Variants in MRPS10 observed in about 807,000 individuals in gnomAD.
MRPS10 encodes the protein mitochondrial ribosomal protein S10, also known as small ribosomal subunit protein uS10m.
In MRPS10, 23 loss-of-function variants were observed where a neutral mutation model predicts 27.5. The ratio of observed to expected loss-of-function variants is 0.84; its 90% CI spans 0.60 to 1.18. The LOEUF (loss-of-function observed/expected upper bound fraction) is 1.18. MRPS10 is among the 50% of genes most tolerant of loss of function. The pLI is 0.00. For synonymous variants in MRPS10, 88 were observed against 84.2 expected (o/e 1.04, Z -0.25); for missense variants, 237 against 240.1 (o/e 0.99, Z 0.09).
At chr6:42,213,465 A>AAATG (rs933958017) in intron 3 of MRPS10, among the ~76,000 whole-genome samples, 1 of 152,166 alleles carries the variant, frequency 6.6e-6, no homozygotes, top group Non-Finnish European at 1.5e-5. Context: ...ATAAATAAAT[A>AAATG]AATATCCAAT....
Position 42,211,832 on chromosome 6 carries a change from T to A in MRPS10, c.272A>T (p.Tyr91Phe). ...KGHDKAVLDS[Y>F]EYFAVLAAKE... ...AGCAGCAAGCACAGCAAAATATTCA[T>A]AACTGTCCAATACAGCCTTATCGTG... Residue 91 changes from tyrosine to phenylalanine, a missense_variant, in exon 4 of 7, where the codon TAT becomes TTT. Around this residue, in one of 3 missense-constraint regions of MRPS10, gnomAD observed 164 missense variants for 137.8 expected, o/e 1.19. Coordinates refer to ENST00000053468, the MANE Select transcript of MRPS10 (RefSeq NM_018141.4). 6.2e-7 allele frequency: 1 copy of A among 1,614,112 alleles called. No homozygotes were observed. The highest frequency in any genetic ancestry group is 8.5e-7 in the Non-Finnish European group (1 of 1,180,006).
At position 42,211,778 on chromosome 6, in the gene MRPS10, C is replaced by T. The variant is rs778015792; in HGVS notation, c.323+3G>A. ...AGGTCGGGTCAGGAAAGGCCATACTCACACTTTAATAGAGATACCAAGTTC... is the reference window on the plus strand; with the variant it reads ...AGGTCGGGTCAGGAAAGGCCATACTTACACTTTAATAGAGATACCAAGTTC... On this transcript the variant is annotated splice_donor_region_variant and intron_variant, in intron 4 of 6. Transcript: ENST00000053468. The T allele has an allele frequency of 6.2e-7, 1 of 1,611,224 alleles. No homozygotes were observed. The highest frequency in any genetic ancestry group is 8.5e-7 in the Non-Finnish European group (1 of 1,178,944).
intron 4 of MRPS10, among the ~76,000 whole-genome samples, chr6:42,211,350 T>TA (rs1205071764): frequency 1.3e-5 from 2 of 151,972 alleles, no homozygotes; most frequent in Non-Finnish European, 2.9e-5. Flanking sequence ...ATGACAAACT[T>TA]AAGCTCTACC....
In MRPS10 at chr6:42,208,325, T is replaced by C; in HGVS notation, c.570A>G (p.Glu190=). 6.2e-7 allele frequency: 1 copy of C among 1,613,192 alleles called. No homozygotes were observed. The highest frequency in any genetic ancestry group is 8.5e-7 in the Non-Finnish European group (1 of 1,179,598). ...TTTCTTCTTTTTCTTCTGATAGTGTTTCCCAGATTGGCTCCTTGATGTGTT... is the reference window on the plus strand; with the variant it reads ...TTTCTTCTTTTTCTTCTGATAGTGTCTCCCAGATTGGCTCCTTGATGTGTT... The part of the protein sequence containing the change: ...LPEHIKEPIW[E]TLSEEKEESK... The change falls in exon 7 of 7, where the codon GAA becomes GAG. Residue 190 remains glutamate, a synonymous_variant. Coordinates refer to ENST00000053468, the MANE Select transcript of MRPS10 (RefSeq NM_018141.4).
At chr6:42,216,383 AGAGTGTGTGT>A (rs1185478272) in intron 1 of MRPS10, among the ~76,000 whole-genome samples, 3 of 46,236 alleles carry the variant, frequency 6.5e-5, no homozygotes, top group African/African-American at 1.5e-4. Context: ...AGAGAGAGAG[AGAGTGTGTGT>A]GTGTGTGTGT....
chr6:42,217,655 G>GC, intron 1 of MRPS10, 147 bp downstream of exon 1: 2 of 688,044 alleles, frequency 2.9e-6, no homozygotes, highest in East Asian at 5.5e-5. Context: ...GATAAAACTA[G>GC]CCCCTTTCTC....
In MRPS10 at chr6:42,214,167, A is replaced by C. The variant is rs1468810706; in HGVS notation, c.139T>G (p.Phe47Val). 1.9e-6 allele frequency: 3 copies of C among 1,613,436 alleles called. No homozygotes were observed. Among genetic ancestry groups the C allele is most frequent in the South Asian group, 2.2e-5 (2 of 90,992 alleles). The change falls in exon 3 of 7, where the codon TTT becomes GTT. Residue 47 changes from phenylalanine (F) to valine (V), a missense_variant. Around this residue, in one of 3 missense-constraint regions of MRPS10, gnomAD observed 164 missense variants for 137.8 expected, o/e 1.19. Coordinates refer to ENST00000053468, the MANE Select transcript of MRPS10 (RefSeq NM_018141.4). ...LLSTNMKWVQ[F>V]SNLHVDVPKD... is the part of the protein sequence containing the mutation. ...GGAACATCAACGTGTAGGTTTGAAAACTGTACCCACTTCATATTGGTACTG... is the reference window on the plus strand; with the variant it reads ...GGAACATCAACGTGTAGGTTTGAAACCTGTACCCACTTCATATTGGTACTG...
Position 42,208,936 on chromosome 6 carries a change from T to TAGA in MRPS10, c.441_443dup (p.Leu148dup). The TAGA allele has an allele frequency of 6.2e-7, 1 of 1,606,210 alleles. No homozygotes were observed. Among genetic ancestry groups the TAGA allele is most frequent in the South Asian group, 1.1e-5 (1 of 90,622 alleles). On this transcript the variant is annotated inframe_insertion, in exon 6 of 7. Transcript: ENST00000053468. ...AGTAGACATCTGCTGTGCTTCCAGT[T>TAGA]AGATGTTCTAACTAAAACATCAAAC... is the stretch of plus-strand genomic sequence containing the variant.
rs868648424 is a variant in MRPS10 at position 42,210,432 on chromosome 6, T to C, written c.432+56A>G. On this transcript the variant is annotated intron_variant, in intron 5 of 6. Transcript: ENST00000053468. ...TAGTCAATGTTAAAGTAAAGTTATA[T>C]GCTAGTGTGAATTTTTGGTATTTCA... 28 of 796,226 alleles carry C rather than the reference T, an allele frequency of 3.5e-5. No homozygotes were observed. The Middle Eastern group carries it at 1.6e-3, about 45-fold the overall frequency. 49.3% of individuals were successfully genotyped at this position (796,226 alleles called of 1,614,324 possible).
In MRPS10 at chr6:42,207,488, G is replaced by A. The variant is rs1768640884; in HGVS notation, c.*801C>T. The stretch of plus-strand genomic sequence containing the variant: ...GCCTGCCTCGGCCTCCCAAAATGCT[G>A]GGATTACAGGCGTGAGCCACCGTGC... On this transcript the variant is annotated 3_prime_UTR_variant, in exon 7 of 7. Transcript: ENST00000053468. The A allele has an allele frequency of 6.6e-6, 1 of 152,182 alleles. No individual in the cohort carries two copies. Among genetic ancestry groups the A allele is most frequent in the Admixed American group, 6.5e-5 (1 of 15,272 alleles). 9.4% of individuals were successfully genotyped at this position (152,182 alleles called of 1,614,324 possible).
At chr6:42,209,944 C>G (rs547252142) in intron 5 of MRPS10, among the ~76,000 whole-genome samples, 1 of 152,202 alleles carries the variant, frequency 6.6e-6, no homozygotes, top group South Asian at 2.1e-4. Flanking sequence ...TCACACTAAC[C>G]TTATGAGATG....
At chr6:42,209,529 C>T (rs1768711977) in intron 5 of MRPS10, among the ~76,000 whole-genome samples, 3 of 151,816 alleles carry the variant, frequency 2.0e-5, no homozygotes, top group Non-Finnish European at 4.4e-5. Context: ...GGGTGGAGCA[C>T]CTGAGGTCAG....
In MRPS10 at chr6:42,214,201, G is replaced by A. The variant is rs764126464; in HGVS notation, c.114-9C>T. The A allele has an allele frequency of 1.9e-6, 3 of 1,610,940 alleles. No individual in the cohort carries two copies. The highest frequency in any genetic ancestry group is 2.2e-5 in the East Asian group (1 of 44,800). The stretch of plus-strand genomic sequence containing the variant: ...ACTTCATATTGGTACTGCTATGTGT[G>A]GGGAAAAAAAGAGAAACCTAAGTAA... On this transcript the variant is annotated splice_polypyrimidine_tract_variant and intron_variant, in intron 2 of 6. Transcript: ENST00000053468.
At position 42,214,144 on chromosome 6, in the gene MRPS10, A is replaced by T; in HGVS notation, c.162T>A (p.Val54=). 6.2e-7 allele frequency: 1 copy of T among 1,613,040 alleles called. No individual in the cohort carries two copies. Among genetic ancestry groups the T allele is most frequent in the South Asian group, 1.1e-5 (1 of 90,920 alleles). ...WVQFSNLHVD[V]PKDLTKPVVT... ...CCACAGGTTTGGTCAAATCCTTTGG[A>T]ACATCAACGTGTAGGTTTGAAAACT... The change falls in exon 3 of 7, where the codon GTT becomes GTA. Residue 54 remains valine (V), a synonymous_variant. Transcript: ENST00000053468.
chr6:42,211,686 A>AG, intron 4 of MRPS10, 95 bp downstream of exon 4: 1 of 1,281,338 alleles, frequency 7.8e-7, no homozygotes, highest in East Asian at 2.5e-5. Flanking sequence ...AAAAAAAAAA[A>AG]AAAAAGAGTT....
chr6:42,208,999 GTTT>G lies in MRPS10; in HGVS notation c.433-55_433-53del. On this transcript the variant is annotated intron_variant, in intron 5 of 6. Transcript: ENST00000053468. ...CATGTAAGCTGTTTGTTAAAGCACG[GTTT>G]TTTGTTTTTTTTTTTGAGATGGAGT... 3.8e-6 allele frequency: 4 copies of G among 1,060,270 alleles called. No individual in the cohort carries two copies. In the South Asian group the frequency reaches 5.7e-5, roughly 15 times the overall value. The allele number at this position is 1,060,270 out of a possible 1,614,324, so 65.7% of individuals were successfully genotyped here. A position where few individuals can be genotyped will look rare whatever the true frequency, so the allele number is the denominator to read the frequency against.
chr6:42,215,553 G>C (rs1768902227), intron 1 of MRPS10, among the ~76,000 whole-genome samples: 1 of 151,866 alleles, frequency 6.6e-6, no homozygotes, highest in South Asian at 2.1e-4. Context: ...CAGTCTCCCA[G>C]ATAGCTGGGA....
chr6:42,211,418 C>T (rs1236148544), intron 4 of MRPS10, among the ~76,000 whole-genome samples: 2 of 151,608 alleles, frequency 1.3e-5, no homozygotes, highest in African/African-American at 2.4e-5. Flanking sequence ...CAGTGGCTCA[C>T]GCCTGTAATC....
At chr6:42,209,012 T>G in intron 5 of MRPS10, 65 bp from the exon 6 acceptor site, 1 of 1,094,166 alleles carries the variant, frequency 9.1e-7, no homozygotes, top group Non-Finnish European at 1.4e-6. Context: ...TTTTGTTTTT[T>G]TTTTTGAGAT....
Sources: allele counts gnomAD v4.1 joint callset (sites outside exome capture counted in the v4.1 genomes callset), GRCh38; gene constraint gnomAD v4.1.1; regional missense constraint gnomAD v4.1.1; transcripts MANE v1.5; gene names NCBI Gene and HGNC (gene_info 2026-07-23, HGNC 2026-07-21).